The following SGCD variants were observed in gnomAD, a reference collection of about 807,000 sequenced individuals.
The protein encoded by SGCD is sarcoglycan delta, also known as delta-sarcoglycan.
In SGCD, 18 loss-of-function variants were observed where a neutral mutation model predicts 36.6. The ratio of observed to expected loss-of-function variants is 0.49; its 90% CI spans 0.34 to 0.73. SGCD has a LOEUF of 0.73. Among genes scored for constraint, SGCD ranks in the 30% least tolerant of loss-of-function variants. SGCD has a pLI of 0.01. For missense variants in SGCD, 387 were observed against 346.7 expected, an observed-to-expected ratio of 1.12 and a Z score of -0.92; for synonymous variants, 133 against 130.6, an observed-to-expected ratio of 1.02 and a Z score of -0.12.
At chr5:156,595,946 G>A (rs1760912052) in intron 6 of SGCD, among the ~76,000 whole-genome samples, 1 of 152,164 alleles carries the variant, frequency 6.6e-6, no homozygotes, top group Admixed American at 6.6e-5. Context: ...ATCTAGCATG[G>A]TGATTTAAGG....
chr5:155,752,546 G>A, the SGCD span, among the ~76,000 whole-genome samples: 4 of 152,008 alleles, frequency 2.6e-5, no homozygotes, highest in Non-Finnish European at 5.9e-5. Flanking sequence ...CCACTCTTTT[G>A]TTGCCCTTCC....
intron 3 of SGCD, among the ~76,000 whole-genome samples, chr5:156,186,752 C>T (rs1763771452): frequency 6.6e-6 from 1 of 152,162 alleles, no homozygotes; most frequent in Non-Finnish European, 1.5e-5. Context: ...TTTAAGGCTC[C>T]CTTTTCTTCA....
intron 3 of SGCD, among the ~76,000 whole-genome samples, chr5:156,176,871 A>G (rs1763487014): frequency 6.6e-6 from 1 of 152,180 alleles, no homozygotes; most frequent in African/African-American, 2.4e-5. Context: ...AAAGTGACAA[A>G]TTGTCAGGGA....
At chr5:156,056,828 C>G (rs751487907) in intron 1 of SGCD, among the ~76,000 whole-genome samples, 2 of 145,640 alleles carry the variant, frequency 1.4e-5, no homozygotes, top group Non-Finnish European at 3.1e-5. Context: ...GGTGGTTACA[C>G]AACTATAACC....
chr5:156,528,066 C>T (rs985893216), intron 4 of SGCD, among the ~76,000 whole-genome samples: 18 of 152,056 alleles, frequency 1.2e-4, no homozygotes, highest in Admixed American at 1.1e-3. Flanking sequence ...TTGTTTGTTT[C>T]CACTATTACT....
chr5:156,645,491 A>G (rs2113578682), intron 6 of SGCD, among the ~76,000 whole-genome samples: 1 of 152,284 alleles, frequency 6.6e-6, no homozygotes, highest in Middle Eastern at 3.4e-3. Flanking sequence ...AAGGTGATTG[A>G]GGATTTAGCA....
At chr5:156,536,020 A>G (rs1758093184) in intron 4 of SGCD, among the ~76,000 whole-genome samples, 3 of 152,264 alleles carry the variant, frequency 2.0e-5, no homozygotes, top group Admixed American at 2.0e-4. Flanking sequence ...TAATTTAGGG[A>G]TCATTGGTTC....
chr5:156,628,903 C>T (rs772080606), intron 6 of SGCD, among the ~76,000 whole-genome samples: 6 of 152,152 alleles, frequency 3.9e-5, no homozygotes, highest in Admixed American at 1.3e-4. Context: ...TCAGTAACCT[C>T]ACTGCACCTT....
chr5:155,879,047 A>T (rs1415149296), intron 1 of SGCD, among the ~76,000 whole-genome samples: 1 of 152,074 alleles, frequency 6.6e-6, no homozygotes, highest in Non-Finnish European at 1.5e-5. Context: ...TCAAGAGGAA[A>T]TAGCTGTGAT....
At chr5:156,018,303 A>G (rs1397933495) in intron 1 of SGCD, among the ~76,000 whole-genome samples, 1 of 152,210 alleles carries the variant, frequency 6.6e-6, no homozygotes, top group Non-Finnish European at 1.5e-5. Context: ...TTAAGGATAC[A>G]AATATCCGCT....
chr5:156,079,214 A>G (rs1760882449), intron 1 of SGCD, among the ~76,000 whole-genome samples: 1 of 152,024 alleles, frequency 6.6e-6, no homozygotes, highest in Non-Finnish European at 1.5e-5. Context: ...TTGGGTATTC[A>G]CTGTTGTGAG....
chr5:155,991,664 G>A (rs147226036), intron 1 of SGCD, among the ~76,000 whole-genome samples: 100 of 152,248 alleles, frequency 6.6e-4, no homozygotes, highest in African/African-American at 2.3e-3. Flanking sequence ...TGTGTTGATA[G>A]CATTCTTTTG....
chr5:155,995,736 G>T (rs536771173), intron 1 of SGCD, among the ~76,000 whole-genome samples: 1 of 152,128 alleles, frequency 6.6e-6, no homozygotes, highest in Non-Finnish European at 1.5e-5. Flanking sequence ...AATGTATTGA[G>T]TGAGACAGCT....
At chr5:156,567,368 GGATAGATAAATAGATA>G (rs1386306611) in intron 4 of SGCD, among the ~76,000 whole-genome samples, 4 of 133,498 alleles carry the variant, frequency 3.0e-5, no homozygotes, top group South Asian at 2.6e-4. Flanking sequence ...AGGGAGGGAT[GGATAGATAAATAGATA>G]GATAGATAGA....
intron 1 of SGCD, among the ~76,000 whole-genome samples, chr5:155,920,178 A>G (rs1177893834): frequency 1.3e-5 from 2 of 152,204 alleles, no homozygotes; most frequent in East Asian, 3.8e-4. Context: ...ACACACTGCA[A>G]TAGTCTTTGG....
chr5:156,047,652 A>G (rs934158650), intron 1 of SGCD, among the ~76,000 whole-genome samples: 6 of 151,970 alleles, frequency 3.9e-5, no homozygotes, highest in Admixed American at 2.6e-4. Context: ...CTTGGGGGGG[A>G]AAAAGTTCTT....
chr5:156,071,263 C>A (rs1191154697), intron 1 of SGCD, among the ~76,000 whole-genome samples: 1 of 152,132 alleles, frequency 6.6e-6, no homozygotes, highest in East Asian at 1.9e-4. Flanking sequence ...CTCTTGTGGG[C>A]ATTTAGTGTT....
chr5:156,172,403 C>T (rs561775718), intron 3 of SGCD, among the ~76,000 whole-genome samples: 14 of 152,314 alleles, frequency 9.2e-5, no homozygotes, highest in Admixed American at 2.6e-4. Context: ...ACGAGGAAGT[C>T]GGGAAGCATT....
At chr5:156,536,959 T>C (rs1758141054) in intron 4 of SGCD, among the ~76,000 whole-genome samples, 1 of 152,160 alleles carries the variant, frequency 6.6e-6, no homozygotes, top group African/African-American at 2.4e-5. Flanking sequence ...TAATGGAGGA[T>C]GAGGCAGTTC....
Sources: allele counts gnomAD v4.1 joint callset (sites outside exome capture counted in the v4.1 genomes callset), GRCh38; gene constraint gnomAD v4.1.1; transcripts MANE v1.5; gene names NCBI Gene and HGNC (gene_info 2026-07-23, HGNC 2026-07-21).